Variants in SERPINB9 observed in about 807,000 individuals in gnomAD.
The protein encoded by SERPINB9 is serpin family B member 9.
In SERPINB9, 20 loss-of-function variants were observed where a neutral mutation model predicts 27.2. The ratio of observed to expected loss-of-function variants is 0.74; its 90% CI spans 0.52 to 1.07. SERPINB9 has a LOEUF of 1.07. SERPINB9 is among the 50% of genes least tolerant of loss of function. The pLI is 0.00. For missense variants in SERPINB9, 476 were observed against 460.1 expected, an observed-to-expected ratio of 1.03 and a Z score of -0.32; for synonymous variants, 189 against 180.0, an observed-to-expected ratio of 1.05 and a Z score of -0.40.
rs1199087437 is a variant in SERPINB9 at position 2,890,863 on chromosome 6, C to T, written c.724-293G>A. Among the ~76,000 whole-genome samples, 3 of 152,156 alleles carry T rather than the reference C, an allele frequency of 2.0e-5. No individual in the cohort carries two copies. The highest frequency in any genetic ancestry group is 7.2e-5 in the African/African-American group (3 of 41,436). On this transcript the variant is annotated intron_variant, in intron 6 of 6. Transcript: ENST00000380698. The surrounding 1 kb of genome is among the most constrained non-coding windows in gnomAD (Gnocchi z 6.2). Reference sequence around the variant, plus strand: ...CTTGTATTGTGACAAGTGTCAATGCCCAGGCGACTGTGTTTTTTTTTCAAA... The same window carrying T: ...CTTGTATTGTGACAAGTGTCAATGCTCAGGCGACTGTGTTTTTTTTTCAAA...
In SERPINB9 at chr6:2,891,208, A is replaced by G. The variant is rs2113599314; in HGVS notation, c.723+625T>C. Among the ~76,000 whole-genome samples, 1 of 152,280 alleles carries G rather than the reference A, an allele frequency of 6.6e-6. No homozygotes were observed. The highest frequency in any genetic ancestry group is 2.4e-5 in the African/African-American group (1 of 41,544). ...GGAGATCCATGCTGAAAGGAAGCCGAGTGCCTGGATGTGCCCTCAGAGGCT... is the reference window on the plus strand; with the variant it reads ...GGAGATCCATGCTGAAAGGAAGCCGGGTGCCTGGATGTGCCCTCAGAGGCT... On this transcript the variant is annotated intron_variant, in intron 6 of 6. Transcript: ENST00000380698. The surrounding 1 kb of genome is among the most constrained non-coding windows in gnomAD (Gnocchi z 4.0).
rs1438149897 is a variant in SERPINB9 at position 2,889,161 on chromosome 6, A to G, written c.*1002T>C. 1 of 152,206 alleles carries G rather than the reference A, an allele frequency of 6.6e-6. No individual in the cohort carries two copies. Among genetic ancestry groups the G allele is most frequent in the Non-Finnish European group, 1.5e-5 (1 of 68,046 alleles). The allele number at this position is 152,206 out of a possible 1,614,324, so 9.4% of individuals were successfully genotyped here. On this transcript the variant is annotated 3_prime_UTR_variant, in exon 7 of 7. Coordinates refer to ENST00000380698, the MANE Select transcript of SERPINB9 (RefSeq NM_004155.6). ...GCTTTAAGGGTTGAATGGAATTTTT[A>G]CTGTTAGAGGTAGAGAAATACAATA...
At position 2,903,141 on chromosome 6, in the gene SERPINB9, G is replaced by A. The variant is rs1415180665; in HGVS notation, c.-11+60C>T. ...CGGTCCCATCACTCGGTGGCAGCCG[G>A]TGGACCTGAAGCTCGCCACTCCCGT... On this transcript the variant is annotated intron_variant, in intron 1 of 6. Coordinates refer to ENST00000380698, the MANE Select transcript of SERPINB9 (RefSeq NM_004155.6). The surrounding 1 kb of genome is among the most constrained non-coding windows in gnomAD (Gnocchi z 5.2). 1 of 152,128 alleles carries A rather than the reference G, an allele frequency of 6.6e-6. No individual in the cohort carries two copies. The highest frequency in any genetic ancestry group is 1.5e-5 in the Non-Finnish European group (1 of 68,102). The allele number at this position is 152,128 out of a possible 1,614,324, so 9.4% of individuals were successfully genotyped here.
intron 2 of SERPINB9, among the ~76,000 whole-genome samples, chr6:2,899,364 C>T (rs80026214): frequency 0.011 from 1,603 of 152,304 alleles, 36 homozygotes; most frequent in African/African-American, 0.037. Flanking sequence ...AAAACCTACG[C>T]TCTTGCACAA....
At chr6:2,893,677 T>A in intron 4 of SERPINB9, 124 bp from the exon 5 acceptor site, 1 of 763,088 alleles carries the variant, frequency 1.3e-6, no homozygotes, top group Non-Finnish European at 2.1e-6. Flanking sequence ...TGGGTTGTTA[T>A]GTAGAGAAAT....
Position 2,893,532 on chromosome 6 carries a change from G to A in SERPINB9, c.446C>T (p.Pro149Leu), listed in dbSNP as rs772960599. 1.2e-5 allele frequency: 20 copies of A among 1,611,448 alleles called. No homozygotes were observed. Among genetic ancestry groups the A allele is most frequent in the Admixed American group, 5.0e-5 (3 of 59,700 alleles). ...KTEGKIEELL[P>L]GSSIDAETRL... is the part of the protein sequence containing the mutation. ...GGTTTCTGCATCAATTGAGCTACCC[G>A]GCAACAACTCTTCAATTTTACCTTT... The change falls in exon 5 of 7, where the codon CCG becomes CTG. Residue 149 changes from proline (P) to leucine (L), a missense_variant. Physicochemically the swap from Pro to Leu is moderately conservative, Grantham distance 98. Coordinates refer to ENST00000380698, the MANE Select transcript of SERPINB9 (RefSeq NM_004155.6).
rs150153855 is a variant in SERPINB9 at position 2,887,329 on chromosome 6, A to C, written c.*2834T>G. 7 of 152,156 alleles carry C rather than the reference A, an allele frequency of 4.6e-5. No homozygotes were observed. Among genetic ancestry groups the C allele is most frequent in the Non-Finnish European group, 7.3e-5 (5 of 68,032 alleles). The allele number at this position is 152,156 out of a possible 1,614,324, so 9.4% of individuals were successfully genotyped here. A position where few individuals can be genotyped will look rare whatever the true frequency, so the allele number is the denominator to read the frequency against. On this transcript the variant is annotated 3_prime_UTR_variant, in exon 7 of 7. Transcript: ENST00000380698. ...AACATCATAACAAAATTTAAAAGGC[A>C]ATACAAGAATGAGAGAAAATATAAA... is the stretch of plus-strand genomic sequence containing the variant.
intron 1 of SERPINB9, among the ~76,000 whole-genome samples, chr6:2,901,191 C>G (rs945178145): frequency 4.6e-5 from 7 of 152,134 alleles, no homozygotes; most frequent in Non-Finnish European, 8.8e-5. Context: ...CCTGGACAGC[C>G]GGGGTGGAGC....
chr6:2,902,367 G>A (rs1768235104), intron 1 of SERPINB9, among the ~76,000 whole-genome samples: 2 of 152,214 alleles, frequency 1.3e-5, no homozygotes, highest in African/African-American at 4.8e-5. Context: ...AGGCTCTGCA[G>A]GCGAGCGCTG....
intron 2 of SERPINB9, among the ~76,000 whole-genome samples, chr6:2,897,904 A>C (rs190018926): frequency 6.6e-6 from 1 of 152,288 alleles, no homozygotes. Flanking sequence ...ACCAAATGCC[A>C]GTCAAAAATA....
rs745518785 is a variant in SERPINB9, at chr6:2,891,955, C to G, written c.601G>C (p.Glu201Gln). The G allele has an allele frequency of 1.9e-6, 3 of 1,613,598 alleles. No individual in the cohort carries two copies. The Admixed American group carries it at 5.0e-5, about 27-fold the overall frequency. The stretch of plus-strand genomic sequence containing the variant: ...ACGTGGGCGAGCTTAAACGTGGCCT[C>G]CTGATACATCATCTGCACTGGCCTT... ...EQRPVQMMYQ[E>Q]ATFKLAHVGE... Residue 201 changes from glutamate to glutamine, a missense_variant, in exon 6 of 7, where the codon GAG (glutamate) becomes CAG (glutamine). Coordinates refer to ENST00000380698, the MANE Select transcript of SERPINB9 (RefSeq NM_004155.6). The surrounding 1 kb of genome is among the most constrained non-coding windows in gnomAD (Gnocchi z 4.0).
Position 2,899,849 on chromosome 6 carries a change from CGT to C in SERPINB9, c.168+593_168+594del, listed in dbSNP as rs746888779. 1.1e-5 allele frequency: 5 copies of C among 439,012 alleles called. No homozygotes were observed. The East Asian group carries it at 2.1e-4, about 19-fold the overall frequency. 27.2% of individuals were successfully genotyped at this position (439,012 alleles called of 1,614,324 possible). ...GATGGCGCTTTTCGGTTTCATCTCA[CGT>C]GTATGTCTCCTCTCCTTTCCACAAA... is the stretch of plus-strand genomic sequence containing the variant. On this transcript the variant is annotated intron_variant, in intron 2 of 6. Transcript: ENST00000380698.
intron 1 of SERPINB9, among the ~76,000 whole-genome samples, chr6:2,902,638 G>A (rs1332925647): frequency 6.6e-6 from 1 of 152,192 alleles, no homozygotes; most frequent in Non-Finnish European, 1.5e-5. Context: ...TCCTGCCTCA[G>A]CACATAGCTG....
intron 4 of SERPINB9, among the ~76,000 whole-genome samples, chr6:2,893,916 C>A (rs1257184185): frequency 6.6e-6 from 1 of 152,056 alleles, no homozygotes; most frequent in African/African-American, 2.4e-5. Flanking sequence ...TGATCACACC[C>A]AGTTCTAACA....
Position 2,887,692 on chromosome 6 carries a change from A to G in SERPINB9, c.*2471T>C, listed in dbSNP as rs1767643561. 6.6e-6 allele frequency: 1 copy of G among 152,012 alleles called. No homozygotes were observed. The highest frequency in any genetic ancestry group is 1.5e-5 in the Non-Finnish European group (1 of 68,000). 9.4% of individuals were successfully genotyped at this position (152,012 alleles called of 1,614,324 possible). ...CGAAACCCCGTCTCTACTGAAAAAT[A>G]CAAAATTAGCTGGGTGTGATGGTGG... is the stretch of plus-strand genomic sequence containing the variant. On this transcript the variant is annotated 3_prime_UTR_variant, in exon 7 of 7. Coordinates refer to ENST00000380698, the MANE Select transcript of SERPINB9 (RefSeq NM_004155.6).
At chr6:2,898,838 T>G (rs977493114) in intron 2 of SERPINB9, among the ~76,000 whole-genome samples, 1 of 151,648 alleles carries the variant, frequency 6.6e-6, no homozygotes, top group African/African-American at 2.4e-5. Context: ...GAAATAGGAC[T>G]GGAGGAAGAT....
chr6:2,892,104 CTAAA>C, intron 5 of SERPINB9, 116 bp from the exon 6 acceptor site: 9 of 79,162 alleles, frequency 1.1e-4, no homozygotes, highest in Non-Finnish European at 1.3e-4. Context: ...CCAGTTAACA[CTAAA>C]AAAAAAAAAA....
chr6:2,893,615 A>T, intron 4 of SERPINB9, 62 bp from the exon 5 acceptor site: 1 of 1,397,760 alleles, frequency 7.2e-7, no homozygotes, highest in Middle Eastern at 1.8e-4. Flanking sequence ...GCATTGGATG[A>T]TCCTGGATCA....
In SERPINB9 at chr6:2,900,501, AGAG is replaced by A. The variant is rs1395915971; in HGVS notation, c.108_110del (p.Ser37del). 1.4e-5 allele frequency: 22 copies of A among 1,614,092 alleles called. No homozygotes were observed. The highest frequency in any genetic ancestry group is 1.8e-5 in the Non-Finnish European group (21 of 1,180,046). On this transcript the variant is annotated inframe_deletion, in exon 2 of 7. Coordinates refer to ENST00000380698, the MANE Select transcript of SERPINB9 (RefSeq NM_004155.6). ...CCCCTAGGAGAACCATGGCCAGGGC[AGAG>A]GAGATGCTCACAGGAGAACAGAACA...
Sources: gnomAD v4.1 joint callset for allele counts (sites outside exome capture counted in the v4.1 genomes callset) on GRCh38, gnomAD v4.1.1 for gene constraint, Gnocchi (gnomAD v3.1) non-coding constraint, MANE v1.5 for transcripts, NCBI Gene and HGNC (gene_info 2026-07-23, HGNC 2026-07-21) for gene names.